CAMK2B: variants seen among roughly 807,000 people sequenced by gnomAD.
CAMK2B encodes calcium/calmodulin dependent protein kinase II beta, also known as calcium/calmodulin-dependent protein kinase type II subunit beta.
In CAMK2B, 27 loss-of-function variants were observed where a neutral mutation model predicts 93.7. That is an observed-to-expected ratio of 0.29 (90% CI 0.21 to 0.40). The LOEUF (loss-of-function observed/expected upper bound fraction) is 0.40. Ranked by LOEUF, CAMK2B falls within the 10% of genes least tolerant of loss-of-function variation. The pLI, the probability that CAMK2B is intolerant of heterozygous loss-of-function variation, is 1.00. For missense variants in CAMK2B, 568 were observed against 895.8 expected (o/e 0.63, Z 4.67); for synonymous variants, 374 against 358.8 (o/e 1.04, Z -0.48).
chr7:44,325,727 A>ACGCTGCTCCTGCACC (rs1797384625), upstream of CAMK2B: 1 of 91,804 alleles, frequency 1.1e-5, no homozygotes, highest in Non-Finnish European at 2.1e-5. Context: ...CGCCCTGCAC[A>ACGCTGCTCCTGCACC]CGCTGCTCCT....
chr7:44,293,629 C>T (rs952556805), intron 1 of CAMK2B, among the ~76,000 whole-genome samples: 1 of 152,184 alleles, frequency 6.6e-6, no homozygotes, highest in African/African-American at 2.4e-5. Flanking sequence ...GATTATCAGG[C>T]ATTAGTTAGA....
Position 44,311,935 on chromosome 7 carries a change from G to A in CAMK2B, c.65+13422C>T, listed in dbSNP as rs1019780959. ...CTTCTCCTGCCCAGGGTCATACAAC[G>A]GGGCCCAAATGAGGCACAGGCCCAT... On this transcript the variant is annotated intron_variant, in intron 1 of 23. Coordinates refer to ENST00000395749, the MANE Select transcript of CAMK2B (RefSeq NM_001220.5). The surrounding 1 kb of genome is among the most constrained non-coding windows in gnomAD (Gnocchi z 4.2). Among the ~76,000 whole-genome samples, 4 of 152,162 alleles carry A rather than the reference G, an allele frequency of 2.6e-5. No individual in the cohort carries two copies. The highest frequency in any genetic ancestry group is 4.4e-5 in the Non-Finnish European group (3 of 68,024).
At chr7:44,223,602 C>T in intron 20 of CAMK2B, among the ~76,000 whole-genome samples, 1 of 152,186 alleles carries the variant, frequency 6.6e-6, no homozygotes, top group African/African-American at 2.4e-5. Flanking sequence ...CGCCCCCGCC[C>T]CAGCTGCTAT....
intron 2 of CAMK2B, among the ~76,000 whole-genome samples, chr7:44,280,459 C>T (rs962224200): frequency 2.6e-5 from 4 of 152,174 alleles, no homozygotes; most frequent in African/African-American, 9.7e-5. Context: ...GCTTTGGAGG[C>T]CCCTGATAAG....
At chr7:44,292,133 T>C (rs1787039827) in intron 1 of CAMK2B, among the ~76,000 whole-genome samples, 1 of 152,176 alleles carries the variant, frequency 6.6e-6, no homozygotes, top group Non-Finnish European at 1.5e-5. Flanking sequence ...CATACCTCTC[T>C]CCTGGATTCC....
Position 44,228,856 on chromosome 7 carries a change from G to T in CAMK2B, c.1408C>A (p.Leu470Ile). The T allele has an allele frequency of 6.7e-7, 1 of 1,502,812 alleles. No individual in the cohort carries two copies. The highest frequency in any genetic ancestry group is 9.0e-7 in the Non-Finnish European group (1 of 1,112,914). 93.1% of individuals were successfully genotyped at this position (1,502,812 alleles called of 1,614,324 possible). Residue 470 changes from leucine (L) to isoleucine (I), a missense_variant, in exon 19 of 24, where the codon CTC (leucine) becomes ATC (isoleucine). Leu to Ile is a conservative substitution (Grantham distance 5). Transcript: ENST00000395749. ...AGGCAGGGCGGGGGCCCCGCTGAGA[G>T]GGGGCCCTCGGCTTCTGGGGTTCCT... ...GSGTPEAEGP[L>I]SAGPPPCLSP...
intron 2 of CAMK2B, among the ~76,000 whole-genome samples, chr7:44,281,589 G>A (rs541039987): frequency 2.0e-5 from 3 of 152,106 alleles, no homozygotes; most frequent in Non-Finnish European, 4.4e-5. Flanking sequence ...CAGGCCTCTC[G>A]GCATCAGCAG....
chr7:44,277,678 C>A (rs574503267), intron 2 of CAMK2B, among the ~76,000 whole-genome samples: 20 of 152,178 alleles, frequency 1.3e-4, no homozygotes, highest in Non-Finnish European at 1.9e-4. Context: ...GAGCCTCCCC[C>A]ACAAGGCCCA....
chr7:44,302,060 G>C (rs1292363131), intron 1 of CAMK2B, among the ~76,000 whole-genome samples: 2 of 152,082 alleles, frequency 1.3e-5, no homozygotes, highest in Non-Finnish European at 2.9e-5. Context: ...AGAAATAAAA[G>C]TGGGGCCACC....
At chr7:44,322,518 A>G (rs1465325755) in intron 1 of CAMK2B, among the ~76,000 whole-genome samples, 1 of 152,210 alleles carries the variant, frequency 6.6e-6, no homozygotes, top group Non-Finnish European at 1.5e-5. Flanking sequence ...AGTTTATCCA[A>G]TATAAAAAAA....
At chr7:44,325,617 GCGCGC>G (rs1797353260), upstream of CAMK2B, 1 of 161,824 alleles carries the variant, frequency 6.2e-6, no homozygotes, top group Non-Finnish European at 1.3e-5. Context: ...CTCGCCAGGA[GCGCGC>G]CGCACACCTA....
chr7:44,321,334 T>C (rs556983966), intron 1 of CAMK2B, among the ~76,000 whole-genome samples: 181 of 152,330 alleles, frequency 1.2e-3, no homozygotes, highest in African/African-American at 4.0e-3. Flanking sequence ...CCCCAGGATA[T>C]AGTCGCTTGC....
rs536528785 is a variant in CAMK2B, at chr7:44,224,420, A to T, written c.1597+2096T>A. Among the ~76,000 whole-genome samples, 1 of 152,234 alleles carries T rather than the reference A, an allele frequency of 6.6e-6. No individual in the cohort carries two copies. Among genetic ancestry groups the T allele is most frequent in the Non-Finnish European group, 1.5e-5 (1 of 68,038 alleles). On this transcript the variant is annotated intron_variant, in intron 20 of 23. Transcript: ENST00000395749. This position sits in a 1 kb window ranked among gnomAD's most constrained non-coding sequence, Gnocchi z 4.4. The stretch of plus-strand genomic sequence containing the variant: ...TCGGGAAACCTGCTGGCTGAGGACA[A>T]GCTGTCCTGGCAGTTCCAGAGACAA...
chr7:44,272,664 G>A (rs1269650703), intron 2 of CAMK2B, among the ~76,000 whole-genome samples: 7 of 152,200 alleles, frequency 4.6e-5, no homozygotes, highest in Non-Finnish European at 2.9e-5. Flanking sequence ...AGCTGGAGCC[G>A]AGGGCCTCGT....
chr7:44,260,616 A>ATGTAACCTTTGTGGTGCTCTG (rs1229063127), intron 3 of CAMK2B, among the ~76,000 whole-genome samples: 1 of 152,184 alleles, frequency 6.6e-6, no homozygotes, highest in Admixed American at 6.5e-5. Context: ...AAGATCAATT[A>ATGTAACCTTTGTGGTGCTCTG]TGTAACCTTT....
chr7:44,240,669 G>C, intron 12 of CAMK2B, 38 bp downstream of exon 12: 1 of 1,610,878 alleles, frequency 6.2e-7, no homozygotes, highest in Non-Finnish European at 8.5e-7. Context: ...CCAGCAGGGA[G>C]GGGGCAGCGC....
In CAMK2B at chr7:44,249,681, C is replaced by T. The variant is rs114151710; in HGVS notation, c.342-2489G>A. On this transcript the variant is annotated intron_variant, in intron 5 of 23. Coordinates refer to ENST00000395749, the MANE Select transcript of CAMK2B (RefSeq NM_001220.5). The stretch of plus-strand genomic sequence containing the variant: ...TTGTGGTCACCAGGAAGTGCCACCT[C>T]CCGGGACACCAACAGGGACTCGGCC... Among the ~76,000 whole-genome samples the T allele has an allele frequency of 4.3e-3, 654 of 152,280 alleles. 7 individuals carry two copies. The highest frequency in any genetic ancestry group is 0.015 in the African/African-American group (616 of 41,542).
intron 13 of CAMK2B, among the ~76,000 whole-genome samples, chr7:44,238,249 C>T (rs2096644210): frequency 6.6e-6 from 1 of 152,238 alleles, no homozygotes; most frequent in Non-Finnish European, 1.5e-5. Flanking sequence ...GACAGAGCTG[C>T]TCTCGGCGCC....
At position 44,221,320 on chromosome 7, in the gene CAMK2B, C is replaced by G. The variant is rs545504127; in HGVS notation, c.1598-419G>C. ...GGCCCTGCGCTTCCCTGCAGCTTCC[C>G]GGCCCCACTCTCCTCCCGAGCCTTG... On this transcript the variant is annotated intron_variant, in intron 20 of 23. Transcript: ENST00000395749. 6.5e-4 allele frequency among the ~76,000 whole-genome samples: 99 copies of G among 152,328 alleles called. 1 individual carries two copies. Among genetic ancestry groups the G allele is most frequent in the Non-Finnish European group, 4.1e-4 (28 of 68,018 alleles).
Sources: allele counts gnomAD v4.1 joint callset (sites outside exome capture counted in the v4.1 genomes callset), GRCh38; gene constraint gnomAD v4.1.1; non-coding constraint Gnocchi (gnomAD v3.1); transcripts MANE v1.5; gene names NCBI Gene and HGNC (gene_info 2026-07-23, HGNC 2026-07-21).